Variants in HEPHL1 observed in about 807,000 individuals in gnomAD.
HEPHL1 encodes the protein ferroxidase HEPHL1.
HEPHL1 carries 123 observed loss-of-function variants against 122.0 expected under a neutral mutation model. The observed-to-expected ratio is 1.01, with a 90% CI of 0.87 to 1.17. The LOEUF is 1.17. Ranked by LOEUF, HEPHL1 falls within the 50% of genes most tolerant of loss-of-function variation. HEPHL1 has a pLI of 0.00. For synonymous variants in HEPHL1, 527 were observed against 508.9 expected (o/e 1.04, Z -0.48); for missense variants, 1,452 against 1,430.5 (o/e 1.01, Z -0.24).
At chr11:94,048,154 C>T (rs373457490) in intron 2 of HEPHL1, among the ~76,000 whole-genome samples, 1 of 152,060 alleles carries the variant, frequency 6.6e-6, no homozygotes, top group Non-Finnish European at 1.5e-5. Context: ...TTTTAGTATG[C>T]ATCATAATGT....
At chr11:94,111,181 G>C (rs1251166087) in intron 18 of HEPHL1, 116 bp downstream of exon 18, 10 of 779,246 alleles carry the variant, frequency 1.3e-5, no homozygotes, top group African/African-American at 3.5e-5. Context: ...AGTCAAGTAA[G>C]AGAGACATAT....
At chr11:94,036,058 TTTTA>T (rs1168190315) in intron 1 of HEPHL1, among the ~76,000 whole-genome samples, 1 of 152,168 alleles carries the variant, frequency 6.6e-6, no homozygotes, top group Non-Finnish European at 1.5e-5. Flanking sequence ...TTAAATTTAA[TTTTA>T]TTTATTACTT....
intron 2 of HEPHL1, among the ~76,000 whole-genome samples, chr11:94,061,722 G>A (rs1237237602): frequency 1.3e-5 from 2 of 152,050 alleles, no homozygotes; most frequent in East Asian, 1.9e-4. Context: ...TTCTCACCTC[G>A]TATTGAGAGA....
chr11:94,055,961 T>C, intron 2 of HEPHL1: 1 of 1,313,000 alleles, frequency 7.6e-7, no homozygotes, highest in Non-Finnish European at 1.1e-6. Context: ...ACTCTAACAC[T>C]TTGGCAGCCA....
At chr11:94,048,212 C>A (rs1263842129) in intron 2 of HEPHL1, among the ~76,000 whole-genome samples, 1 of 152,144 alleles carries the variant, frequency 6.6e-6, no homozygotes, top group African/African-American at 2.4e-5. Context: ...ATATACCACA[C>A]TTTGTTTATC....
At chr11:94,093,724 TAAGA>T (rs1292615493) in intron 13 of HEPHL1, 84 bp downstream of exon 13, 19 of 1,447,010 alleles carry the variant, frequency 1.3e-5, no homozygotes, top group African/African-American at 4.3e-5. Context: ...CACTTGTGGC[TAAGA>T]AAGGATAGAA....
intron 12 of HEPHL1, 23 bp from the exon 13 acceptor site, chr11:94,093,478 T>C: frequency 6.2e-7 from 1 of 1,612,696 alleles, no homozygotes; most frequent in Non-Finnish European, 8.5e-7. Flanking sequence ...ACAACTTTAA[T>C]TTCTGATGCT....
intron 12 of HEPHL1, among the ~76,000 whole-genome samples, chr11:94,089,693 A>C (rs895551197): frequency 6.6e-6 from 1 of 151,750 alleles, no homozygotes; most frequent in African/African-American, 2.4e-5. Context: ...CAGACCACAG[A>C]CCTCCTCCCC....
intron 2 of HEPHL1, among the ~76,000 whole-genome samples, chr11:94,062,529 A>G (rs1811949364): frequency 6.6e-6 from 1 of 152,166 alleles, no homozygotes; most frequent in Non-Finnish European, 1.5e-5. Context: ...GCACATTGGT[A>G]GCATGTGTTC....
chr11:94,035,367 C>T (rs537579038), intron 1 of HEPHL1, among the ~76,000 whole-genome samples: 2 of 152,328 alleles, frequency 1.3e-5, no homozygotes, highest in Non-Finnish European at 2.9e-5. Context: ...CAACATCTAG[C>T]CCAGTACTTT....
At chr11:94,095,975 T>C (rs1946308554) in intron 13 of HEPHL1, among the ~76,000 whole-genome samples, 1 of 152,194 alleles carries the variant, frequency 6.6e-6, no homozygotes, top group African/African-American at 2.4e-5. Flanking sequence ...ACAGGGACAA[T>C]TTGACTTCCT....
intron 1 of HEPHL1, among the ~76,000 whole-genome samples, chr11:94,039,230 AGT>A (rs1250994081): frequency 7.3e-6 from 1 of 137,610 alleles, no homozygotes; most frequent in Non-Finnish European, 1.6e-5. Flanking sequence ...GCAAGTCCTG[AGT>A]GACCTACAAA....
chr11:94,094,629 T>C (rs1373054273), intron 13 of HEPHL1, among the ~76,000 whole-genome samples: 1 of 152,204 alleles, frequency 6.6e-6, no homozygotes, highest in African/African-American at 2.4e-5. Context: ...TGTAAAAGTG[T>C]TCCTATTTCT....
At chr11:94,103,067 A>G in intron 15 of HEPHL1, 47 bp downstream of exon 15, 5 of 1,079,594 alleles carry the variant, frequency 4.6e-6, no homozygotes, top group Non-Finnish European at 7.2e-6. Context: ...TTTGGATGAA[A>G]GTTGACTACT....
At chr11:94,097,839 C>A (rs1054385678) in intron 13 of HEPHL1, among the ~76,000 whole-genome samples, 1 of 152,096 alleles carries the variant, frequency 6.6e-6, no homozygotes. Flanking sequence ...AGGATTGCAA[C>A]CCCTGCCTTT....
chr11:94,048,652 G>A (rs1005368463), intron 2 of HEPHL1, among the ~76,000 whole-genome samples: 2 of 152,102 alleles, frequency 1.3e-5, no homozygotes, highest in African/African-American at 4.8e-5. Flanking sequence ...ATGAGCCACT[G>A]TGCCCAGCCT....
At chr11:94,036,715 T>A (rs1945728181) in intron 1 of HEPHL1, among the ~76,000 whole-genome samples, 3 of 152,088 alleles carry the variant, frequency 2.0e-5, no homozygotes, top group African/African-American at 7.2e-5. Flanking sequence ...GGCAGGCGCC[T>A]GTAGTCCCAG....
chr11:94,111,289 GGAGGATATGAGCCAAAGTTTCACA>G (rs1463263658), intron 18 of HEPHL1, among the ~76,000 whole-genome samples: 2 of 152,152 alleles, frequency 1.3e-5, no homozygotes, highest in Non-Finnish European at 2.9e-5. Flanking sequence ...GGTAACAGTT[GGAGGATATGAGCCAAAGTTTCACA>G]GAGGCCATGA....
intron 9 of HEPHL1, 87 bp downstream of exon 9, chr11:94,075,472 T>A (rs1470862567): frequency 1.1e-6 from 1 of 950,188 alleles, no homozygotes; most frequent in African/African-American, 1.6e-5. Context: ...AATAGTCAGT[T>A]ACAAAAAGCA....
Sources: allele counts gnomAD v4.1 joint callset (sites outside exome capture counted in the v4.1 genomes callset), GRCh38; gene constraint gnomAD v4.1.1; transcripts MANE v1.5; gene names NCBI Gene and HGNC (gene_info 2026-07-23, HGNC 2026-07-21).